Variants in YPEL2 observed in about 807,000 individuals in gnomAD.
YPEL2 encodes yippee like 2.
A neutral mutation model predicts 19.1 loss-of-function variants in YPEL2; 2 were observed. That is an observed-to-expected ratio of 0.10 (90% CI 0.04 to 0.33). YPEL2 has a LOEUF of 0.33. Among genes scored for constraint, YPEL2 ranks in the 10% least tolerant of loss-of-function variants. The pLI is 1.00. For missense variants in YPEL2, 66 were observed against 140.7 expected, an observed-to-expected ratio of 0.47 and a Z score of 2.68; for synonymous variants, 52 against 50.0, an observed-to-expected ratio of 1.04 and a Z score of -0.17.
intron 1 of YPEL2, among the ~76,000 whole-genome samples, chr17:59,348,055 A>G (rs2147937741): frequency 6.6e-6 from 1 of 152,340 alleles, no homozygotes; most frequent in Admixed American, 6.5e-5. Context: ...CTTAACACCT[A>G]GAACCCCTGT....
chr17:59,395,346 G>A (rs2048033309), intron 4 of YPEL2, among the ~76,000 whole-genome samples: 1 of 152,190 alleles, frequency 6.6e-6, no homozygotes, highest in African/African-American at 2.4e-5. Flanking sequence ...ATACAACGGT[G>A]ACCCAGAACC....
intron 2 of YPEL2, chr17:59,363,298 CCTTTTTTTTTTT>C: frequency 6.5e-6 from 1 of 153,750 alleles, no homozygotes; most frequent in Non-Finnish European, 1.4e-5. Flanking sequence ...AAAGACTTAC[CCTTTTTTTTTTT>C]CTTTTTTTTT....
At chr17:59,389,855 TTAAA>T (rs2047999021) in intron 4 of YPEL2, among the ~76,000 whole-genome samples, 1 of 152,126 alleles carries the variant, frequency 6.6e-6, no homozygotes, top group Admixed American at 6.6e-5. Context: ...AATCTAGCCA[TTAAA>T]TAGCCACACC....
At chr17:59,374,785 T>TAA (rs2047912587) in intron 2 of YPEL2, among the ~76,000 whole-genome samples, 1 of 152,236 alleles carries the variant, frequency 6.6e-6, no homozygotes, top group African/African-American at 2.4e-5. Context: ...ATGAGGAACT[T>TAA]TTGACCCGAA....
At chr17:59,348,840 A>G (rs2047770567) in intron 1 of YPEL2, among the ~76,000 whole-genome samples, 2 of 152,170 alleles carry the variant, frequency 1.3e-5, no homozygotes, top group Non-Finnish European at 2.9e-5. Flanking sequence ...GCTAAAGTTC[A>G]AAAATTAGAA....
chr17:59,345,097 CACTGACCTGATGGG>C (rs1419519888), intron 1 of YPEL2: 1 of 152,248 alleles, frequency 6.6e-6, no homozygotes, highest in Non-Finnish European at 1.5e-5. Flanking sequence ...CTAATGCCGC[CACTGACCTGATGGG>C]GCGTTTTGAA....
At chr17:59,369,616 G>T (rs1322770526) in intron 2 of YPEL2, among the ~76,000 whole-genome samples, 1 of 152,200 alleles carries the variant, frequency 6.6e-6, no homozygotes, top group Non-Finnish European at 1.5e-5. Context: ...CTGGGGATCT[G>T]TATTTTAACG....
chr17:59,380,891 A>G (rs1264872483), intron 2 of YPEL2, among the ~76,000 whole-genome samples: 1 of 152,210 alleles, frequency 6.6e-6, no homozygotes. Context: ...TTGAATTGCA[A>G]AGTGGGGAAG....
chr17:59,398,759 AGTAGGCC>A lies in YPEL2; in HGVS notation c.*1571_*1577del, dbSNP rs1403662347. The A allele has an allele frequency of 6.6e-6, 1 of 152,200 alleles. No individual in the cohort carries two copies. The highest frequency in any genetic ancestry group is 2.4e-5 in the African/African-American group (1 of 41,436). 9.4% of individuals were successfully genotyped at this position (152,200 alleles called of 1,614,324 possible). A position where few individuals can be genotyped will look rare whatever the true frequency, so the allele number is the denominator to read the frequency against. On this transcript the variant is annotated 3_prime_UTR_variant, in exon 5 of 5. Transcript: ENST00000312655. ...TAGGTAATTCTCAGCATCTCCTCCA[AGTAGGCC>A]GACCTTCTCGGAAAATTCACCCTAA...
At chr17:59,345,882 A>G (rs1014153796) in intron 1 of YPEL2, among the ~76,000 whole-genome samples, 6 of 152,078 alleles carry the variant, frequency 3.9e-5, no homozygotes, top group Admixed American at 1.3e-4. Context: ...GGTAGGCTCT[A>G]TTGTTATCTC....
At chr17:59,340,596 C>T (rs988104979) in intron 1 of YPEL2, among the ~76,000 whole-genome samples, 1 of 150,864 alleles carries the variant, frequency 6.6e-6, no homozygotes, top group African/African-American at 2.4e-5. Flanking sequence ...TTTATACTTT[C>T]AGTAGAGACG....
chr17:59,369,194 C>G lies in YPEL2; in HGVS notation c.117+15668C>G, dbSNP rs2047885013. On this transcript the variant is annotated intron_variant, in intron 2 of 4. Coordinates refer to ENST00000312655, the MANE Select transcript of YPEL2 (RefSeq NM_001005404.4). ...TTTCTCTAAATTTAAAGAGAGAATT[C>G]AGTTGCAGAATTCCAGTGGCTTTGG... is the stretch of plus-strand genomic sequence containing the variant. Among the ~76,000 whole-genome samples, 3 of 152,298 alleles carry G rather than the reference C, an allele frequency of 2.0e-5. No homozygotes were observed. The South Asian group carries it at 6.2e-4, about 32-fold the overall frequency.
rs553540288 is a variant in YPEL2, at chr17:59,343,353, A to G, written c.-195-9862A>G. ...TGCTGGAGCTGTGAGTCCTGTAGAC[A>G]CTACTGGGGGTGGGGTTGGGGGGAT... On this transcript the variant is annotated intron_variant, in intron 1 of 4. Coordinates refer to ENST00000312655, the MANE Select transcript of YPEL2 (RefSeq NM_001005404.4). Among the ~76,000 whole-genome samples, 41 of 152,120 alleles carry G rather than the reference A, an allele frequency of 2.7e-4. 1 individual carries two copies. Among genetic ancestry groups the G allele is most frequent in the African/African-American group, 9.6e-4 (40 of 41,480 alleles).
chr17:59,343,635 C>T (rs1463779944), intron 1 of YPEL2, among the ~76,000 whole-genome samples: 1 of 151,930 alleles, frequency 6.6e-6, no homozygotes. Context: ...GTAAGGAGCA[C>T]AGGATAATGA....
At chr17:59,336,556 T>C (rs2047699603) in intron 1 of YPEL2, among the ~76,000 whole-genome samples, 1 of 152,236 alleles carries the variant, frequency 6.6e-6, no homozygotes, top group Non-Finnish European at 1.5e-5. Context: ...TGTTCCTTAT[T>C]TTTAAAATGG....
intron 2 of YPEL2, among the ~76,000 whole-genome samples, chr17:59,359,631 A>C (rs1015212550): frequency 2.0e-5 from 3 of 152,196 alleles, no homozygotes; most frequent in African/African-American, 7.2e-5. Context: ...TTGAACTCTA[A>C]TTTTTGATAT....
At chr17:59,343,798 G>A (rs2047742950) in intron 1 of YPEL2, among the ~76,000 whole-genome samples, 1 of 152,154 alleles carries the variant, frequency 6.6e-6, no homozygotes, top group Non-Finnish European at 1.5e-5. Flanking sequence ...AAATGTGAAA[G>A]TGTGTGATCA....
intron 1 of YPEL2, among the ~76,000 whole-genome samples, chr17:59,349,802 A>G (rs1205460576): frequency 6.6e-6 from 1 of 151,934 alleles, no homozygotes; most frequent in Admixed American, 6.6e-5. Context: ...CTGGGACTAC[A>G]GGCACACGCC....
chr17:59,337,613 G>A (rs1166818498), intron 1 of YPEL2, among the ~76,000 whole-genome samples: 1 of 152,142 alleles, frequency 6.6e-6, no homozygotes, highest in Non-Finnish European at 1.5e-5. Context: ...TGCTATAAAT[G>A]ATAAATGCTT....
Sources: gnomAD v4.1 joint callset for allele counts (sites outside exome capture counted in the v4.1 genomes callset) on GRCh38, gnomAD v4.1.1 for gene constraint, MANE v1.5 for transcripts, NCBI Gene and HGNC (gene_info 2026-07-23, HGNC 2026-07-21) for gene names.